The following VEGFC variants were observed in gnomAD, a reference collection of about 807,000 sequenced individuals.
VEGFC encodes the protein FLT4 ligand DHM.
A neutral mutation model predicts 46.1 loss-of-function variants in VEGFC; 12 were observed. The observed-to-expected ratio is 0.26, with a 90% CI of 0.17 to 0.42. The LOEUF is 0.42. VEGFC is among the 10% of genes least tolerant of loss of function. The probability of loss-of-function intolerance (pLI) is 1.00; values close to 1 mark genes in which losing one functional copy is unlikely to be tolerated. For synonymous variants in VEGFC, 232 were observed against 195.5 expected (o/e 1.19, Z -1.56); for missense variants, 488 against 529.4 (o/e 0.92, Z 0.77).
intron 6 of VEGFC, 60 bp from the exon 7 acceptor site, chr4:176,684,100 T>C: frequency 8.3e-7 from 1 of 1,202,980 alleles, no homozygotes; most frequent in South Asian, 1.3e-5. Context: ...TTCATCATGC[T>C]ACCAAGGTAT....
chr4:176,692,815 G>A (rs1269813474), intron 4 of VEGFC, among the ~76,000 whole-genome samples: 1 of 145,626 alleles, frequency 6.9e-6, no homozygotes, highest in Non-Finnish European at 1.5e-5. Flanking sequence ...GTGGGTCCCT[G>A]ACCCCTGACC....
intron 2 of VEGFC, among the ~76,000 whole-genome samples, chr4:176,728,679 T>C (rs946763214): frequency 1.3e-5 from 2 of 152,208 alleles, no homozygotes; most frequent in Non-Finnish European, 2.9e-5. Context: ...ACTTCCTAAG[T>C]ATACTAGTTT....
intron 1 of VEGFC, among the ~76,000 whole-genome samples, chr4:176,752,444 G>A (rs561071647): frequency 2.6e-5 from 4 of 151,978 alleles, no homozygotes; most frequent in African/African-American, 9.7e-5. Context: ...ACGTTCTAAG[G>A]TTACTGCCAA....
intron 3 of VEGFC, among the ~76,000 whole-genome samples, chr4:176,718,002 G>A (rs1734724057): frequency 6.6e-6 from 1 of 152,040 alleles, no homozygotes; most frequent in Non-Finnish European, 1.5e-5. Context: ...TGCATAAAAA[G>A]TATACACAGT....
At position 176,687,834 on chromosome 4, in the gene VEGFC, C is replaced by T. The variant is rs547208551; in HGVS notation, c.798G>A (p.Ser266=). The stretch of plus-strand genomic sequence containing the variant: ...CATTCTGCTTACCATCTCCAGCATC[C>T]GAGGAAAACATAAAATCTTCCTGAG... ...CLAQEDFMFS[S]DAGDDSTDGF... Residue 266 remains serine, a synonymous_variant, in exon 5 of 7, where the codon TCG becomes TCA. Transcript: ENST00000618562. The T allele has an allele frequency of 1.4e-5, 22 of 1,611,402 alleles. No individual in the cohort carries two copies. The highest frequency in any genetic ancestry group is 9.9e-5 in the South Asian group (9 of 90,712).
intron 3 of VEGFC, among the ~76,000 whole-genome samples, chr4:176,721,428 G>GA (rs973036108): frequency 6.8e-4 from 103 of 150,810 alleles, no homozygotes; most frequent in African/African-American, 2.0e-3. Context: ...ATTAAGAAAA[G>GA]AAAAAAAAAT....
At chr4:176,764,659 T>C (rs1047940364) in intron 1 of VEGFC, among the ~76,000 whole-genome samples, 2 of 152,142 alleles carry the variant, frequency 1.3e-5, no homozygotes, top group Non-Finnish European at 2.9e-5. Flanking sequence ...GGAAAGTGGG[T>C]AGGCCATACC....
intron 6 of VEGFC, among the ~76,000 whole-genome samples, chr4:176,686,806 C>G (rs79219502): frequency 0.011 from 1,606 of 152,092 alleles, 39 homozygotes; most frequent in African/African-American, 0.037. Flanking sequence ...CTCTCCTGTC[C>G]TTTGTTTGTA....
chr4:176,699,606 C>T (rs1442001637), intron 4 of VEGFC, among the ~76,000 whole-genome samples: 1 of 152,080 alleles, frequency 6.6e-6, no homozygotes, highest in Non-Finnish European at 1.5e-5. Context: ...CAATTTTGTC[C>T]CAAATATCTT....
chr4:176,692,628 G>C (rs1440140719), intron 4 of VEGFC, among the ~76,000 whole-genome samples: 1 of 143,396 alleles, frequency 7.0e-6, no homozygotes, highest in Non-Finnish European at 1.5e-5. Context: ...GCCCACCACA[G>C]CTCAAGGAGG....
At position 176,729,557 on chromosome 4, in the gene VEGFC, G is replaced by C. The variant is rs1362624895; in HGVS notation, c.337C>G (p.His113Asp). The C allele has an allele frequency of 1.2e-6, 2 of 1,613,254 alleles. No individual in the cohort carries two copies. Among genetic ancestry groups the C allele is most frequent in the East Asian group, 4.5e-5 (2 of 44,828 alleles). The stretch of plus-strand genomic sequence containing the variant: ...CTTTTCAAGATCTCTGTATTATAAT[G>C]TGCTGCAGCAAATTTTATAGTCTCT... ...TEETIKFAAAHYNTEILKSID... is the reference protein window; with the variant it reads ...TEETIKFAAADYNTEILKSID... The change falls in exon 2 of 7, where the codon CAT becomes GAT. Residue 113 changes from histidine (H) to aspartate (D), a missense_variant. His to Asp is a moderately conservative substitution (Grantham distance 81, BLOSUM62 -1). Coordinates refer to ENST00000618562, the MANE Select transcript of VEGFC (RefSeq NM_005429.5).
intron 1 of VEGFC, among the ~76,000 whole-genome samples, chr4:176,739,946 TATATA>T (rs1735127581): frequency 1.6e-4 from 4 of 24,808 alleles, no homozygotes; most frequent in Admixed American, 5.6e-4. Flanking sequence ...CTATAGAATA[TATATA>T]ACTATATATT....
At chr4:176,782,869 C>T (rs537412303) in intron 1 of VEGFC, among the ~76,000 whole-genome samples, 27 of 152,310 alleles carry the variant, frequency 1.8e-4, no homozygotes, top group African/African-American at 6.3e-4. Context: ...CTCCAACTAA[C>T]ATCTGCACTG....
intron 1 of VEGFC, among the ~76,000 whole-genome samples, chr4:176,749,625 T>C (rs537836919): frequency 1.3e-5 from 2 of 151,944 alleles, no homozygotes; most frequent in South Asian, 2.1e-4. Flanking sequence ...GTGAGGTACA[T>C]ATGTATACAA....
chr4:176,692,188 A>T, intron 4 of VEGFC, among the ~76,000 whole-genome samples: 2 of 150,464 alleles, frequency 1.3e-5, no homozygotes, highest in Non-Finnish European at 2.9e-5. Flanking sequence ...AGGTCAGGAG[A>T]TCGAGACCAT....
chr4:176,778,533 G>A (rs971984364), intron 1 of VEGFC, among the ~76,000 whole-genome samples: 6 of 152,138 alleles, frequency 3.9e-5, no homozygotes, highest in East Asian at 3.9e-4. Flanking sequence ...ATTATTTAAC[G>A]CTACTACATA....
At chr4:176,770,056 G>C (rs1201426856) in intron 1 of VEGFC, among the ~76,000 whole-genome samples, 1 of 152,154 alleles carries the variant, frequency 6.6e-6, no homozygotes, top group African/African-American at 2.4e-5. Context: ...TTACTAGAAA[G>C]AAGTCCTCAG....
intron 4 of VEGFC, among the ~76,000 whole-genome samples, chr4:176,690,120 A>G (rs1348108059): frequency 6.6e-6 from 1 of 152,194 alleles, no homozygotes; most frequent in African/African-American, 2.4e-5. Flanking sequence ...ACTGGATTTT[A>G]ATGTACTACT....
chr4:176,791,081 T>C (rs2110962042), intron 1 of VEGFC, among the ~76,000 whole-genome samples: 1 of 152,290 alleles, frequency 6.6e-6, no homozygotes, highest in Non-Finnish European at 1.5e-5. Flanking sequence ...AATATAAATA[T>C]AAATAAAATA....
Sources: gnomAD v4.1 joint callset for allele counts (sites outside exome capture counted in the v4.1 genomes callset) on GRCh38, gnomAD v4.1.1 for gene constraint, MANE v1.5 for transcripts, NCBI Gene and HGNC (gene_info 2026-07-23, HGNC 2026-07-21) for gene names.